Variants in PLEK2 observed in about 807,000 individuals in gnomAD.
The protein encoded by PLEK2 is pleckstrin-2.
Under a neutral mutation model 43.8 loss-of-function variants are expected in PLEK2, and 29 were observed. The ratio of observed to expected loss-of-function variants is 0.66; its 90% confidence interval spans 0.49 to 0.90. PLEK2 has a LOEUF of 0.90. Ranked by LOEUF, PLEK2 falls within the 40% of genes least tolerant of loss-of-function variation. The pLI, the probability that PLEK2 is intolerant of heterozygous loss-of-function variation, is 0.00. For synonymous variants in PLEK2, 162 were observed against 173.2 expected (o/e 0.94, Z 0.51); for missense variants, 398 against 448.1 (o/e 0.89, Z 1.01).
chr14:67,401,357 T>TAA (rs1464512454), intron 1 of PLEK2, among the ~76,000 whole-genome samples: 1 of 151,530 alleles, frequency 6.6e-6, no homozygotes, highest in Non-Finnish European at 1.5e-5. Context: ...AACAAATAAA[T>TAA]AAAAATTAGC....
At chr14:67,389,463 C>T (rs1274256010) in intron 7 of PLEK2, among the ~76,000 whole-genome samples, 1 of 152,162 alleles carries the variant, frequency 6.6e-6, no homozygotes, top group Non-Finnish European at 1.5e-5. Flanking sequence ...GGTTCCTTAT[C>T]TTGTACCTGC....
chr14:67,404,785 G>C (rs958278714), intron 1 of PLEK2, among the ~76,000 whole-genome samples: 15 of 151,974 alleles, frequency 9.9e-5, no homozygotes, highest in Non-Finnish European at 1.5e-5. Flanking sequence ...ACTCCATCCT[G>C]GGCAACAGAG....
At chr14:67,404,852 T>C (rs2086069069) in intron 1 of PLEK2, among the ~76,000 whole-genome samples, 1 of 152,058 alleles carries the variant, frequency 6.6e-6, no homozygotes, top group Non-Finnish European at 1.5e-5. Context: ...AATACTTATG[T>C]ATTTCTTGTA....
At position 67,404,897 on chromosome 14, in the gene PLEK2, G is replaced by A. The variant is rs546288328; in HGVS notation, c.43-7071C>T. 2.0e-5 allele frequency among the ~76,000 whole-genome samples: 3 copies of A among 152,078 alleles called. No individual in the cohort carries two copies. The South Asian group carries it at 6.2e-4, about 32-fold the overall frequency. On this transcript the variant is annotated intron_variant, in intron 1 of 8. Transcript: ENST00000216446. ...ATTTCTGGAGGGATACCCCAGAAAT[G>A]TAAACAATGGTCACCTCTAAGGAGT...
Position 67,387,397 on chromosome 14 carries a change from A to AGT in PLEK2, c.992_993dup (p.Tyr332ThrfsTer22), listed in dbSNP as rs1185209975. 1 of 1,610,952 alleles carries AGT rather than the reference A, an allele frequency of 6.2e-7. No homozygotes were observed. The highest frequency in any genetic ancestry group is 1.1e-5 in the South Asian group (1 of 90,356). On this transcript the variant is annotated frameshift_variant, in exon 9 of 9. Coordinates refer to ENST00000216446, the MANE Select transcript of PLEK2 (RefSeq NM_016445.3). LOFTEE classifies it high-confidence loss of function. ...GCCTTGCTGCTGGCCTGAATGTAAT[A>AGT]GTGTGTGTCATCCTTAGTAATCACT...
rs944476923 is a variant in PLEK2, at chr14:67,393,359, C to A, written c.390-118G>T. 3.7e-5 allele frequency: 28 copies of A among 758,066 alleles called. No individual in the cohort carries two copies. In the East Asian group the frequency reaches 6.1e-4, roughly 17 times the overall value. The allele number at this position is 758,066 out of a possible 1,614,324, so 47.0% of individuals were successfully genotyped here. On this transcript the variant is annotated intron_variant, in intron 3 of 8. Transcript: ENST00000216446. ...GTGGCAAATGGTGTGACACACATCACAAAGAAAAGGGGTGTAGGAAAGCAG... is the reference window on the plus strand; with the variant it reads ...GTGGCAAATGGTGTGACACACATCAAAAAGAAAAGGGGTGTAGGAAAGCAG...
intron 2 of PLEK2, among the ~76,000 whole-genome samples, chr14:67,396,367 T>G (rs111281324): frequency 6.9e-6 from 1 of 144,778 alleles, no homozygotes. Flanking sequence ...AGGCTGGTCT[T>G]GAACTCCTGA....
intron 3 of PLEK2, among the ~76,000 whole-genome samples, chr14:67,394,662 G>A (rs1463882380): frequency 6.6e-6 from 1 of 152,086 alleles, no homozygotes; most frequent in Non-Finnish European, 1.5e-5. Flanking sequence ...CAGTTCTTTT[G>A]CCTGGGAGGT....
intron 1 of PLEK2, 69 bp from the exon 2 acceptor site, chr14:67,397,895 G>A: frequency 1.5e-6 from 2 of 1,312,776 alleles, no homozygotes; most frequent in South Asian, 1.5e-5. Context: ...GGGAGGGGGT[G>A]TCTGGTGGCA....
chr14:67,388,049 G>A (rs961564631), intron 8 of PLEK2, among the ~76,000 whole-genome samples, 175 bp downstream of exon 8: 4 of 152,132 alleles, frequency 2.6e-5, no homozygotes, highest in Admixed American at 2.0e-4. Flanking sequence ...TTCTTAAAAC[G>A]CCAAGAACAT....
At chr14:67,390,257 A>T (rs943636362) in intron 7 of PLEK2, among the ~76,000 whole-genome samples, 3 of 152,236 alleles carry the variant, frequency 2.0e-5, no homozygotes, top group African/African-American at 7.2e-5. Flanking sequence ...TTCAAAACAT[A>T]GGTGGGGAAA....
At chr14:67,407,486 G>A (rs916005351) in intron 1 of PLEK2, among the ~76,000 whole-genome samples, 1 of 151,678 alleles carries the variant, frequency 6.6e-6, no homozygotes, top group Non-Finnish European at 1.5e-5. Flanking sequence ...GGTTGCCGAG[G>A]CTGGAGTGCA....
Position 67,395,175 on chromosome 14 carries a change from G to A in PLEK2, c.389+227C>T, listed in dbSNP as rs1385149222. 2.0e-5 allele frequency among the ~76,000 whole-genome samples: 3 copies of A among 152,262 alleles called. No homozygotes were observed. In the South Asian group the frequency reaches 6.2e-4, roughly 32 times the overall value. ...TTGTGTCATGGAGGTGTGCAGAGGT[G>A]GCAAGAGCCACGAGAGATCCCATAG... is the stretch of plus-strand genomic sequence containing the variant. On this transcript the variant is annotated intron_variant, in intron 3 of 8. Transcript: ENST00000216446.
At chr14:67,406,641 C>G (rs1375585439) in intron 1 of PLEK2, among the ~76,000 whole-genome samples, 1 of 152,172 alleles carries the variant, frequency 6.6e-6, no homozygotes, top group Non-Finnish European at 1.5e-5. Flanking sequence ...TCATGTTAAA[C>G]CTATCACTCC....
At chr14:67,401,962 C>T (rs561519464) in intron 1 of PLEK2, among the ~76,000 whole-genome samples, 2 of 152,108 alleles carry the variant, frequency 1.3e-5, no homozygotes, top group Non-Finnish European at 2.9e-5. Flanking sequence ...GAAACCCTGT[C>T]TCTGCTAAAA....
chr14:67,392,446 C>T lies in PLEK2; in HGVS notation c.670-19G>A, dbSNP rs1298886541. 2 of 1,567,718 alleles carry T rather than the reference C, an allele frequency of 1.3e-6. No homozygotes were observed. The highest frequency in any genetic ancestry group is 2.2e-5 in the South Asian group (2 of 90,110). ...TCTCAGCCTAGGGGGAAGGAGGGAG[C>T]AAGGACTCTGCTACAGAAAAGACCC... On this transcript the variant is annotated intron_variant, in intron 5 of 8. Transcript: ENST00000216446.
In PLEK2 at chr14:67,397,712, G is replaced by C. The variant is rs2086020493; in HGVS notation, c.157C>G (p.Leu53Val). The C allele has an allele frequency of 6.2e-7, 1 of 1,613,460 alleles. No homozygotes were observed. The highest frequency in any genetic ancestry group is 8.5e-7 in the Non-Finnish European group (1 of 1,179,774). The change falls in exon 2 of 9, where the codon CTG becomes GTG. Residue 53 changes from leucine (L) to valine (V), a missense_variant. Transcript: ENST00000216446. ...RVTPPKGRIL[L>V]DGCTITCPCL... ...GGGCAGGTGATGGTGCAGCCATCCAGGAGGATCCGGCCCTTGGGAGGGGTC... is the reference window on the plus strand; with the variant it reads ...GGGCAGGTGATGGTGCAGCCATCCACGAGGATCCGGCCCTTGGGAGGGGTC...
At chr14:67,397,892 G>T in intron 1 of PLEK2, 66 bp from the exon 2 acceptor site, 1 of 1,324,088 alleles carries the variant, frequency 7.6e-7, no homozygotes, top group South Asian at 1.5e-5. Context: ...TCAGGGAGGG[G>T]GTGTCTGGTG....
intron 1 of PLEK2, among the ~76,000 whole-genome samples, chr14:67,400,985 G>C (rs1053078097): frequency 2.0e-5 from 3 of 149,536 alleles, no homozygotes; most frequent in Non-Finnish European, 4.4e-5. Context: ...GCAAGATTCT[G>C]CCTCTTAAAA....
Sources: allele counts gnomAD v4.1 joint callset (sites outside exome capture counted in the v4.1 genomes callset), GRCh38; gene constraint gnomAD v4.1.1; transcripts MANE v1.5; gene names NCBI Gene and HGNC (gene_info 2026-07-23, HGNC 2026-07-21).